Variants in KCNK9 observed in about 807,000 individuals in gnomAD.
The protein encoded by KCNK9 is potassium channel subfamily K member 9.
Under a neutral mutation model 10.8 loss-of-function variants are expected in KCNK9, and 1 was observed. The ratio of observed to expected loss-of-function variants is 0.09; its 90% CI spans 0.03 to 0.44. KCNK9 has a LOEUF of 0.44. Ranked by LOEUF, KCNK9 falls within the 20% of genes least tolerant of loss-of-function variation. The pLI, the probability that KCNK9 is intolerant of heterozygous loss-of-function variation, is 0.97. For missense variants in KCNK9, 303 were observed against 515.0 expected (o/e 0.59, Z 3.98); for synonymous variants, 231 against 222.7 (o/e 1.04, Z -0.33).
intron 1 of KCNK9, among the ~76,000 whole-genome samples, chr8:139,694,744 C>T (rs1817011860): frequency 6.6e-6 from 1 of 152,302 alleles, no homozygotes; most frequent in South Asian, 2.1e-4. Flanking sequence ...CCCCTCCCTC[C>T]ACCCCATTGC....
rs1266505035 is a variant in KCNK9 at position 139,648,374 on chromosome 8, T to C, written c.284-29275A>G. 3.3e-5 allele frequency among the ~76,000 whole-genome samples: 5 copies of C among 152,230 alleles called. No homozygotes were observed. The East Asian group carries it at 9.6e-4, about 29-fold the overall frequency. ...GATGGTTGCAAGACACTGAATGTCCTAAATGCCACCAAATTGTACACTTTA... is the reference window on the plus strand; with the variant it reads ...GATGGTTGCAAGACACTGAATGTCCCAAATGCCACCAAATTGTACACTTTA... On this transcript the variant is annotated intron_variant, in intron 1 of 1. Coordinates refer to ENST00000520439, the MANE Select transcript of KCNK9 (RefSeq NM_001282534.2).
intron 1 of KCNK9, among the ~76,000 whole-genome samples, chr8:139,700,286 G>T (rs1354522808): frequency 6.6e-6 from 1 of 152,132 alleles, no homozygotes; most frequent in East Asian, 1.9e-4. Context: ...TTAAAAGTCA[G>T]CCTGTCAGGT....
In KCNK9 at chr8:139,667,732, G is replaced by A. The variant is rs143461536; in HGVS notation, c.283+34978C>T. ...TGGTCCTCACAACATTCCTTATAAC[G>A]GCAAAAAATGAAATAACCTACACCT... On this transcript the variant is annotated intron_variant, in intron 1 of 1. Coordinates refer to ENST00000520439, the MANE Select transcript of KCNK9 (RefSeq NM_001282534.2). Among the ~76,000 whole-genome samples the A allele has an allele frequency of 4.4e-3, 665 of 151,930 alleles. 4 individuals carry two copies. The highest frequency in any genetic ancestry group is 0.02 in the Middle Eastern group (6 of 294).
chr8:139,660,709 A>G (rs1202481555), intron 1 of KCNK9, among the ~76,000 whole-genome samples: 2 of 152,278 alleles, frequency 1.3e-5, no homozygotes, highest in Middle Eastern at 3.4e-3. Flanking sequence ...TTGATTAACA[A>G]TAATGCATAC....
chr8:139,605,583 C>T (rs1817468094), intron 2 of KCNK9, among the ~76,000 whole-genome samples: 2 of 152,172 alleles, frequency 1.3e-5, no homozygotes, highest in Non-Finnish European at 2.9e-5. Flanking sequence ...GGCATCAAAG[C>T]AGGTCTTGTC....
downstream of KCNK9, chr8:139,616,438 C>T (rs1182157797): frequency 2.0e-5 from 3 of 152,212 alleles, no homozygotes; most frequent in Non-Finnish European, 4.4e-5. Flanking sequence ...GGTTCGCAGA[C>T]TCCTTCGAAG....
intron 1 of KCNK9, among the ~76,000 whole-genome samples, chr8:139,630,620 G>A (rs189454732): frequency 6.6e-6 from 1 of 152,344 alleles, no homozygotes; most frequent in East Asian, 1.9e-4. Flanking sequence ...TGGGGTGGCA[G>A]CTCGGAGAGG....
At chr8:139,621,587 T>C (rs1814783253) in intron 1 of KCNK9, among the ~76,000 whole-genome samples, 1 of 152,172 alleles carries the variant, frequency 6.6e-6, no homozygotes, top group African/African-American at 2.4e-5. Flanking sequence ...GAAATTATCC[T>C]TCAAGAAAGG....
intron 1 of KCNK9, among the ~76,000 whole-genome samples, chr8:139,635,140 G>A (rs1355883976): frequency 1.3e-5 from 2 of 152,238 alleles, no homozygotes; most frequent in Admixed American, 6.5e-5. Flanking sequence ...CCGCTGCCTG[G>A]TACATAGTAG....
chr8:139,661,638 G>A (rs543796753), intron 1 of KCNK9, among the ~76,000 whole-genome samples: 14 of 152,232 alleles, frequency 9.2e-5, no homozygotes, highest in Non-Finnish European at 1.8e-4. Flanking sequence ...CCAGGCTGAC[G>A]GCCCAGCTCC....
chr8:139,638,836 T>A (rs1185201512), intron 1 of KCNK9, among the ~76,000 whole-genome samples: 2 of 152,210 alleles, frequency 1.3e-5, no homozygotes, highest in Non-Finnish European at 2.9e-5. Context: ...CATAGAGGCA[T>A]CATCCGCTCT....
At chr8:139,684,567 A>G (rs1398626097) in intron 1 of KCNK9, among the ~76,000 whole-genome samples, 1 of 152,246 alleles carries the variant, frequency 6.6e-6, no homozygotes. Flanking sequence ...TCAGGGGAAA[A>G]AGAAGGCAAA....
chr8:139,629,020 C>T (rs568944747), intron 1 of KCNK9, among the ~76,000 whole-genome samples: 5 of 152,344 alleles, frequency 3.3e-5, no homozygotes, highest in South Asian at 2.1e-4. Context: ...AGCCTGGCTC[C>T]GACTGCAGTC....
intron 1 of KCNK9, among the ~76,000 whole-genome samples, chr8:139,646,076 T>C (rs145971041): frequency 4.6e-5 from 7 of 152,252 alleles, no homozygotes; most frequent in Middle Eastern, 3.4e-3. Flanking sequence ...ACCAGTGGCT[T>C]GCTTTCCCAG....
intron 1 of KCNK9, among the ~76,000 whole-genome samples, chr8:139,684,453 G>C (rs893047723): frequency 4.6e-5 from 7 of 151,982 alleles, no homozygotes; most frequent in Admixed American, 1.3e-4. Context: ...TTGTTATAAG[G>C]CATGTCAAAA....
chr8:139,620,284 T>C (rs562555082), intron 1 of KCNK9, among the ~76,000 whole-genome samples: 2 of 152,314 alleles, frequency 1.3e-5, no homozygotes, highest in East Asian at 3.9e-4. Flanking sequence ...ACATCTAAAA[T>C]CCTGCCCATC....
intron 1 of KCNK9, among the ~76,000 whole-genome samples, chr8:139,619,464 T>C (rs530092466): frequency 2.4e-4 from 36 of 151,826 alleles, no homozygotes; most frequent in Non-Finnish European, 3.7e-4. Flanking sequence ...CATAAAGGCT[T>C]TAAAAAGAAA....
intron 1 of KCNK9, among the ~76,000 whole-genome samples, chr8:139,687,600 GTATACATATGTATACATATA>G (rs1489797419): frequency 2.5e-5 from 1 of 39,700 alleles, no homozygotes; most frequent in African/African-American, 9.2e-5. Flanking sequence ...ATATTCATAT[GTATACATATGTATACATATA>G]TATTCATATG....
downstream of KCNK9, among the ~76,000 whole-genome samples, chr8:139,613,035 G>T (rs999365779): frequency 6.6e-6 from 1 of 152,180 alleles, no homozygotes; most frequent in Non-Finnish European, 1.5e-5. Flanking sequence ...GGGACAATTG[G>T]GGATTTACAT....
Sources: allele counts gnomAD v4.1 joint callset (sites outside exome capture counted in the v4.1 genomes callset), GRCh38; gene constraint gnomAD v4.1.1; transcripts MANE v1.5; gene names NCBI Gene and HGNC (gene_info 2026-07-23, HGNC 2026-07-21).